Variants in CHST9 observed in about 807,000 individuals in gnomAD.
CHST9 encodes the protein GalNAc-4-sulfotransferase 2.
CHST9 carries 41 observed loss-of-function variants against 44.4 expected under a neutral mutation model. The observed-to-expected ratio is 0.92, with a 90% confidence interval of 0.72 to 1.20. The LOEUF (loss-of-function observed/expected upper bound fraction) is 1.20. Ranked by LOEUF, CHST9 falls within the 50% of genes most tolerant of loss-of-function variation. The pLI is 0.00. For synonymous variants in CHST9, 171 were observed against 178.4 expected (o/e 0.96, Z 0.33); for missense variants, 504 against 516.5 (o/e 0.98, Z 0.23).
At chr18:27,076,266 A>G (rs1413843126) in intron 2 of CHST9, among the ~76,000 whole-genome samples, 1 of 152,234 alleles carries the variant, frequency 6.6e-6, no homozygotes, top group Non-Finnish European at 1.5e-5. Flanking sequence ...ATATGGGACA[A>G]TTCCAGAAGC....
chr18:26,957,928 C>A (rs948179112), intron 4 of CHST9, among the ~76,000 whole-genome samples: 2 of 151,862 alleles, frequency 1.3e-5, no homozygotes, highest in African/African-American at 4.8e-5. Context: ...TCTTTGTCAT[C>A]CAGGCTGTAG....
At chr18:27,172,641 A>G (rs1004220906) in intron 1 of CHST9, among the ~76,000 whole-genome samples, 1 of 152,062 alleles carries the variant, frequency 6.6e-6, no homozygotes, top group Non-Finnish European at 1.5e-5. Context: ...TTTCCTAATA[A>G]GGAGATTCCA....
In CHST9 at chr18:26,907,832, GA is replaced by G. The variant is rs572741697; in HGVS notation, c.*8426del. The G allele has an allele frequency of 1.2e-5, 2 of 172,238 alleles. No homozygotes were observed. The highest frequency in any genetic ancestry group is 2.4e-5 in the Non-Finnish European group (2 of 82,488). The allele number at this position is 172,238 out of a possible 1,614,324, so 10.7% of individuals were successfully genotyped here. A position where few individuals can be genotyped will look rare whatever the true frequency, so the allele number is the denominator to read the frequency against. The stretch of plus-strand genomic sequence containing the variant: ...ATGGAATACAATTCAGCCTTGAAAA[GA>G]AAAAAATTCTGGTACGTCCTTCAAT... On this transcript the variant is annotated 3_prime_UTR_variant, in exon 6 of 6. Transcript: ENST00000618847.
chr18:27,013,287 G>A (rs888296966), intron 4 of CHST9, among the ~76,000 whole-genome samples: 2 of 152,148 alleles, frequency 1.3e-5, no homozygotes, highest in South Asian at 2.1e-4. Flanking sequence ...CATGTTACAC[G>A]CGCTGAATAT....
intron 2 of CHST9, among the ~76,000 whole-genome samples, chr18:27,086,959 T>C (rs1451281327): frequency 6.6e-6 from 1 of 152,042 alleles, no homozygotes; most frequent in Non-Finnish European, 1.5e-5. Flanking sequence ...AAAAAATAAA[T>C]GAAACAGAAA....
chr18:27,101,407 C>T (rs2058170033), intron 2 of CHST9, among the ~76,000 whole-genome samples: 2 of 148,626 alleles, frequency 1.3e-5, no homozygotes, highest in Admixed American at 6.8e-5. Context: ...CTGGCTAACA[C>T]GGTGAAACCC....
chr18:27,105,152 T>A (rs1027139924), intron 2 of CHST9, among the ~76,000 whole-genome samples: 28 of 152,124 alleles, frequency 1.8e-4, no homozygotes, highest in African/African-American at 6.3e-4. Context: ...ATAAATTTTT[T>A]AAAAAATAAT....
chr18:27,101,357 C>T (rs2058169385), intron 2 of CHST9, among the ~76,000 whole-genome samples: 1 of 151,886 alleles, frequency 6.6e-6, no homozygotes, highest in Admixed American at 6.6e-5. Flanking sequence ...TTTGGGAGGC[C>T]GAGGCGGGTG....
intron 4 of CHST9, among the ~76,000 whole-genome samples, chr18:26,945,155 C>T (rs16943023): frequency 0.15 from 23,342 of 151,976 alleles, 2,015 homozygotes; most frequent in East Asian, 0.24. Context: ...TTTGTGAACA[C>T]CTTAGTGTGT....
intron 1 of CHST9, among the ~76,000 whole-genome samples, chr18:27,146,945 T>C (rs1218846404): frequency 6.6e-6 from 1 of 152,254 alleles, no homozygotes; most frequent in African/African-American, 2.4e-5. Context: ...ATTATTTTTT[T>C]AAATAATTGT....
At chr18:27,079,692 T>C (rs1046744866) in intron 2 of CHST9, among the ~76,000 whole-genome samples, 2 of 152,210 alleles carry the variant, frequency 1.3e-5, no homozygotes, top group African/African-American at 4.8e-5. Context: ...AGCGCAGATG[T>C]ATTATTCTAC....
Position 26,917,053 on chromosome 18 carries a change from A to G in CHST9, c.538T>C (p.Ser180Pro). 1 of 1,613,928 alleles carries G rather than the reference A, an allele frequency of 6.2e-7. No individual in the cohort carries two copies. Among genetic ancestry groups the G allele is most frequent in the African/African-American group, 1.3e-5 (1 of 75,014 alleles). Residue 180 changes from serine to proline, a missense_variant, in exon 6 of 6, where the codon TCT becomes CCT. Physicochemically the swap from Ser to Pro is moderately conservative, Grantham distance 74. Coordinates refer to ENST00000618847, the MANE Select transcript of CHST9 (RefSeq NM_031422.6). ...TTCTTGCAAAACTCCTGAAGGAAAG[A>G]CCTTCGTTTCTCTTGGGTCTCCTCA... The part of the protein sequence containing the change: ...KTEETQEKRR[S>P]FLQEFCKKYG...
chr18:27,157,597 A>G (rs2058707719), intron 1 of CHST9, among the ~76,000 whole-genome samples: 1 of 152,144 alleles, frequency 6.6e-6, no homozygotes, highest in African/African-American at 2.4e-5. Flanking sequence ...CCGCAAAAAT[A>G]TCTACTGACA....
chr18:26,941,370 G>A (rs950532952), intron 5 of CHST9, among the ~76,000 whole-genome samples: 4 of 152,064 alleles, frequency 2.6e-5, no homozygotes, highest in African/African-American at 9.7e-5. Flanking sequence ...TATATAAAAA[G>A]GCATAAACAT....
At chr18:26,930,073 A>G (rs1370615827) in intron 5 of CHST9, among the ~76,000 whole-genome samples, 1 of 152,192 alleles carries the variant, frequency 6.6e-6, no homozygotes, top group Non-Finnish European at 1.5e-5. Flanking sequence ...AGCACCTTTG[A>G]GTGAAACACA....
intron 2 of CHST9, among the ~76,000 whole-genome samples, chr18:27,131,534 C>T (rs938564784): frequency 5.9e-5 from 9 of 152,030 alleles, no homozygotes; most frequent in Admixed American, 1.3e-4. Flanking sequence ...CTGGGCGACA[C>T]GAGCAAAACT....
chr18:27,122,920 G>C (rs979810566), intron 2 of CHST9, among the ~76,000 whole-genome samples: 3 of 152,150 alleles, frequency 2.0e-5, no homozygotes, highest in African/African-American at 7.2e-5. Flanking sequence ...AAGGAAACTT[G>C]AACAACTCCT....
At chr18:27,122,260 A>T (rs192034464) in intron 2 of CHST9, among the ~76,000 whole-genome samples, 9 of 152,292 alleles carry the variant, frequency 5.9e-5, no homozygotes, top group Admixed American at 2.0e-4. Flanking sequence ...ATAATTCTGG[A>T]TTTGTGTGGG....
intron 4 of CHST9, among the ~76,000 whole-genome samples, chr18:26,957,665 T>G (rs542115214): frequency 1.7e-4 from 26 of 152,146 alleles, no homozygotes; most frequent in African/African-American, 6.0e-4. Context: ...TTTTCACCAC[T>G]ATCAGAGAAT....
Sources: gnomAD v4.1 joint callset for allele counts (sites outside exome capture counted in the v4.1 genomes callset) on GRCh38, gnomAD v4.1.1 for gene constraint, MANE v1.5 for transcripts, NCBI Gene and HGNC (gene_info 2026-07-23, HGNC 2026-07-21) for gene names.